The following LMF1 variants were observed in gnomAD, a reference collection of about 807,000 sequenced individuals.
The protein encoded by LMF1 is transmembrane protein 112.
LMF1 carries 68 observed loss-of-function variants against 60.6 expected under a neutral mutation model. The observed-to-expected ratio is 1.12, with a 90% CI of 0.92 to 1.37. The LOEUF (loss-of-function observed/expected upper bound fraction) is 1.37, where lower values mean the gene tolerates loss of function less well. LMF1 is among the 40% of genes most tolerant of loss of function. The probability of loss-of-function intolerance (pLI) is 0.00; values close to 1 mark genes in which losing one functional copy is unlikely to be tolerated. For synonymous variants in LMF1, 418 were observed against 324.7 expected, an observed-to-expected ratio of 1.29 and a Z score of -3.09; for missense variants, 948 against 767.2, an observed-to-expected ratio of 1.24 and a Z score of -2.78.
At position 905,703 on chromosome 16, in the gene LMF1, T is replaced by C. The variant is rs865806770; in HGVS notation, c.663+5228A>G. Among the ~76,000 whole-genome samples the C allele has an allele frequency of 3.3e-5, 5 of 152,368 alleles. No individual in the cohort carries two copies. The South Asian group carries it at 1.0e-3, about 32-fold the overall frequency. The stretch of plus-strand genomic sequence containing the variant: ...TGGCATTGTGAATATTTTCTCCTGA[T>C]CTGTGCCTTGTCATTTTCTCGGTGG... On this transcript the variant is annotated intron_variant, in intron 4 of 10. Coordinates refer to ENST00000262301, the MANE Select transcript of LMF1 (RefSeq NM_022773.4).
At chr16:959,553 G>A (rs567876400) in intron 1 of LMF1, among the ~76,000 whole-genome samples, 5 of 152,262 alleles carry the variant, frequency 3.3e-5, no homozygotes, top group African/African-American at 1.2e-4. Context: ...CCAGGAGGTT[G>A]GGGGATGCAG....
At chr16:916,806 C>T (rs868092713) in intron 3 of LMF1, among the ~76,000 whole-genome samples, 2 of 152,240 alleles carry the variant, frequency 1.3e-5, no homozygotes, top group Middle Eastern at 3.2e-3. Flanking sequence ...TCGTTGGCTC[C>T]CTGGCAGCAA....
At position 874,988 on chromosome 16, in the gene LMF1, C is replaced by T. The variant is rs928235920; in HGVS notation, c.898-3647G>A. Among the ~76,000 whole-genome samples, 8 of 152,292 alleles carry T rather than the reference C, an allele frequency of 5.3e-5. No homozygotes were observed. Among genetic ancestry groups the T allele is most frequent in the Admixed American group, 4.6e-4 (7 of 15,302 alleles). On this transcript the variant is annotated intron_variant, in intron 6 of 10. Transcript: ENST00000262301. This position sits in a 1 kb window ranked among gnomAD's most constrained non-coding sequence, Gnocchi z 4.1. ...CTGCCTGTGAGGGGGCAGGATACAT[C>T]GCAGCCGGGACTGCCGGCCGACCAT...
chr16:965,755 T>C (rs1033732319), intron 1 of LMF1, among the ~76,000 whole-genome samples: 1 of 152,138 alleles, frequency 6.6e-6, no homozygotes, highest in Non-Finnish European at 1.5e-5. Context: ...GTATCTGTCC[T>C]GCTGGGCCGC....
intron 6 of LMF1, among the ~76,000 whole-genome samples, chr16:877,147 A>G (rs1391842332): frequency 6.6e-6 from 1 of 152,182 alleles, no homozygotes; most frequent in Non-Finnish European, 1.5e-5. Flanking sequence ...ACTGGGCAAC[A>G]TAGCGAGACC....
chr16:979,222 G>T (rs557541368), intron 1 of LMF1: 33 of 391,724 alleles, frequency 8.4e-5, no homozygotes, highest in African/African-American at 3.9e-4. Context: ...GCTCACACCC[G>T]CGGAGGACGA....
At chr16:932,934 C>T (rs528286387) in intron 3 of LMF1, among the ~76,000 whole-genome samples, 3 of 151,288 alleles carry the variant, frequency 2.0e-5, no homozygotes, top group East Asian at 1.9e-4. Context: ...CTCAGGCCGC[C>T]GCACACGCTT....
At chr16:971,004 AGGCCCCGCCCATTCTC>A (rs771138468), upstream of LMF1, 270,455 of 1,107,982 alleles carry the variant, frequency 0.24, 27,417 homozygotes, top group African/African-American at 0.44. Flanking sequence ...GCACTCCCGG[AGGCCCCGCCCATTCTC>A]GGAGGCCCCG....
chr16:888,438 A>C (rs969708888), intron 5 of LMF1, among the ~76,000 whole-genome samples: 3 of 152,176 alleles, frequency 2.0e-5, no homozygotes, highest in African/African-American at 4.8e-5. Context: ...CTCTGCATCA[A>C]AACCATCTGT....
At chr16:964,424 C>A (rs745507227) in intron 1 of LMF1, among the ~76,000 whole-genome samples, 1 of 152,058 alleles carries the variant, frequency 6.6e-6, no homozygotes, top group African/African-American at 2.4e-5. Flanking sequence ...TCTTACTGGC[C>A]GTGGTTAAAT....
chr16:891,952 C>G (rs2070501442), intron 5 of LMF1, among the ~76,000 whole-genome samples: 1 of 152,220 alleles, frequency 6.6e-6, no homozygotes, highest in Non-Finnish European at 1.5e-5. Flanking sequence ...TGCTCTCGGA[C>G]AAAGAGAGGA....
chr16:980,523 G>T (rs1394568066), intron 1 of LMF1: 1 of 152,174 alleles, frequency 6.6e-6, no homozygotes, highest in Non-Finnish European at 1.5e-5. Flanking sequence ...CGGGCGTGGG[G>T]GCTTTGAGGG....
intron 4 of LMF1, among the ~76,000 whole-genome samples, chr16:894,010 C>T (rs1012516348): frequency 6.8e-6 from 1 of 146,602 alleles, no homozygotes; most frequent in African/African-American, 2.5e-5. Context: ...TCCACCCACC[C>T]GTCCCCCTGT....
At chr16:937,065 A>C (rs1366102996) in intron 2 of LMF1, among the ~76,000 whole-genome samples, 10 of 152,290 alleles carry the variant, frequency 6.6e-5, no homozygotes, top group Middle Eastern at 3.4e-3. Flanking sequence ...TTGTGCAGAG[A>C]AGGGGTGAGT....
intron 1 of LMF1, among the ~76,000 whole-genome samples, chr16:960,031 C>T (rs1048336011): frequency 6.6e-6 from 1 of 152,198 alleles, no homozygotes; most frequent in Non-Finnish European, 1.5e-5. Context: ...CACACAGAGC[C>T]TAGCTCTACC....
At chr16:932,386 C>T (rs1213916070) in intron 3 of LMF1, among the ~76,000 whole-genome samples, 3 of 152,202 alleles carry the variant, frequency 2.0e-5, no homozygotes, top group Non-Finnish European at 4.4e-5. Context: ...CCGGCCTGCC[C>T]GCTCACAGCC....
intron 1 of LMF1, among the ~76,000 whole-genome samples, chr16:963,237 G>C (rs2072850083): frequency 6.6e-6 from 1 of 152,106 alleles, no homozygotes; most frequent in Non-Finnish European, 1.5e-5. Context: ...CTGGGTGGAA[G>C]GGACCTGAGC....
chr16:919,241 G>A (rs1003910818), intron 3 of LMF1, among the ~76,000 whole-genome samples: 3 of 152,146 alleles, frequency 2.0e-5, no homozygotes, highest in African/African-American at 7.2e-5. Context: ...ACCCCACGTG[G>A]AGGGTGGTGT....
At chr16:959,100 C>T (rs1208527525) in intron 1 of LMF1, among the ~76,000 whole-genome samples, 3 of 152,104 alleles carry the variant, frequency 2.0e-5, no homozygotes, top group African/African-American at 7.2e-5. Context: ...AAAGTGTGCT[C>T]GCACAGAAGC....
Sources: allele counts gnomAD v4.1 joint callset (sites outside exome capture counted in the v4.1 genomes callset), GRCh38; gene constraint gnomAD v4.1.1; non-coding constraint Gnocchi (gnomAD v3.1); transcripts MANE v1.5; gene names NCBI Gene and HGNC (gene_info 2026-07-23, HGNC 2026-07-21).